ATP1B1: variants seen among roughly 807,000 people sequenced by gnomAD.
ATP1B1 encodes sodium/potassium-transporting ATPase subunit beta-1.
ATP1B1 carries 3 observed loss-of-function variants against 39.6 expected under a neutral mutation model. That is an observed-to-expected ratio of 0.08 (90% CI 0.03 to 0.20). The LOEUF is 0.20. Ranked by LOEUF, ATP1B1 falls within the 10% of genes least tolerant of loss-of-function variation. The pLI, the probability that ATP1B1 is intolerant of heterozygous loss-of-function variation, is 1.00. For missense variants in ATP1B1, 216 were observed against 371.1 expected (o/e 0.58, Z 3.43); for synonymous variants, 139 against 135.0 (o/e 1.03, Z -0.20).
chr1:169,117,691 A>C (rs1230004187), intron 2 of ATP1B1, among the ~76,000 whole-genome samples: 1 of 152,228 alleles, frequency 6.6e-6, no homozygotes, highest in Non-Finnish European at 1.5e-5. Flanking sequence ...CACTTCTACC[A>C]TAAAATCTGA....
chr1:169,109,268 C>CT (rs967263363), intron 1 of ATP1B1, among the ~76,000 whole-genome samples: 5 of 152,042 alleles, frequency 3.3e-5, no homozygotes, highest in Non-Finnish European at 5.9e-5. Context: ...CTCTGTATTA[C>CT]TTTTTTTTAA....
chr1:169,129,100 A>C (rs1486055887), intron 4 of ATP1B1, among the ~76,000 whole-genome samples: 2 of 152,240 alleles, frequency 1.3e-5, no homozygotes, highest in Non-Finnish European at 2.9e-5. Context: ...TGCTGGCAGA[A>C]ACGTCCCAAA....
intron 2 of ATP1B1, among the ~76,000 whole-genome samples, chr1:169,117,104 G>A (rs1269394510): frequency 1.3e-5 from 2 of 152,170 alleles, no homozygotes; most frequent in African/African-American, 2.4e-5. Context: ...AGTGCAAAGT[G>A]CCAGTAAGGT....
intron 1 of ATP1B1, among the ~76,000 whole-genome samples, chr1:169,109,829 G>T (rs1197669193): frequency 6.6e-6 from 1 of 152,036 alleles, no homozygotes; most frequent in East Asian, 1.9e-4. Context: ...CTGCCTTGCT[G>T]ACTGTTACAC....
chr1:169,130,486 C>G lies in ATP1B1; in HGVS notation c.648+396C>G, dbSNP rs150907944. ...ATAAAAATTAGTGGTTTGGGCTTCT[C>G]TTTTAAAAATATTGAAATATCGCCT... On this transcript the variant is annotated intron_variant, in intron 5 of 5. Coordinates refer to ENST00000367815, the MANE Select transcript of ATP1B1 (RefSeq NM_001677.4). Among the ~76,000 whole-genome samples, 553 of 152,156 alleles carry G rather than the reference C, an allele frequency of 3.6e-3. 1 individual carries two copies. Among genetic ancestry groups the G allele is most frequent in the Non-Finnish European group, 5.9e-3 (401 of 67,970 alleles).
intron 2 of ATP1B1, among the ~76,000 whole-genome samples, chr1:169,119,535 TG>T (rs1657927958): frequency 6.6e-6 from 1 of 152,064 alleles, no homozygotes; most frequent in South Asian, 2.1e-4. Flanking sequence ...CTTTAAGAAG[TG>T]GGCAGTAGAA....
Position 169,131,280 on chromosome 1 carries a change from T to C in ATP1B1, c.649-12T>C. 2 of 1,611,264 alleles carry C rather than the reference T, an allele frequency of 1.2e-6. No homozygotes were observed. Among genetic ancestry groups the C allele is most frequent in the Non-Finnish European group, 1.7e-6 (2 of 1,178,088 alleles). On this transcript the variant is annotated splice_polypyrimidine_tract_variant and intron_variant, in intron 5 of 5. Coordinates refer to ENST00000367815, the MANE Select transcript of ATP1B1 (RefSeq NM_001677.4). This position sits in a 1 kb window ranked among gnomAD's most constrained non-coding sequence, Gnocchi z 4.4. The stretch of plus-strand genomic sequence containing the variant: ...GTGAGCCATTAAAATTTCATTTCAT[T>C]CTGGATTTCAGCGAGATGAAGATAA...
Position 169,106,718 on chromosome 1 carries a change from G to C in ATP1B1, c.-112G>C. ...CCGAGAGCCGCAGCGGCAGCGGCGC[G>C]TCCTGCCTGCAGAGAGCCAGGCCGG... On this transcript the variant is annotated 5_prime_UTR_variant, in exon 1 of 6. Transcript: ENST00000367815. 1 of 772,968 alleles carries C rather than the reference G, an allele frequency of 1.3e-6. No individual in the cohort carries two copies. Among genetic ancestry groups the C allele is most frequent in the South Asian group, 2.3e-5 (1 of 42,686 alleles). 47.9% of individuals were successfully genotyped at this position (772,968 alleles called of 1,614,324 possible).
At chr1:169,119,812 G>GT (rs35706435) in intron 2 of ATP1B1, among the ~76,000 whole-genome samples, 54,793 of 151,888 alleles carry the variant, frequency 0.36, 10,601 homozygotes, top group African/African-American at 0.51. Context: ...GGCAAACATT[G>GT]TAAGTTGGGA....
intron 2 of ATP1B1, among the ~76,000 whole-genome samples, chr1:169,120,441 A>G (rs941363496): frequency 6.6e-6 from 1 of 152,194 alleles, no homozygotes; most frequent in African/African-American, 2.4e-5. Context: ...GTAAGACATG[A>G]CTGAGCTTTC....
chr1:169,120,787 G>A (rs928742928), intron 2 of ATP1B1, among the ~76,000 whole-genome samples: 11 of 152,084 alleles, frequency 7.2e-5, no homozygotes, highest in African/African-American at 2.4e-4. Flanking sequence ...TCCATTACTT[G>A]GTTTTCATTA....
At chr1:169,114,261 C>A (rs1436015355) in intron 2 of ATP1B1, among the ~76,000 whole-genome samples, 1 of 150,770 alleles carries the variant, frequency 6.6e-6, no homozygotes, top group Admixed American at 6.6e-5. Flanking sequence ...TTTAAGAATA[C>A]CCTGACAATT....
At chr1:169,114,117 G>T (rs1657786477) in intron 2 of ATP1B1, among the ~76,000 whole-genome samples, 1 of 117,090 alleles carries the variant, frequency 8.5e-6, no homozygotes, top group Non-Finnish European at 1.9e-5. Context: ...ACCCCTTATG[G>T]CCCTGTGTTG....
At chr1:169,130,631 A>G (rs1658190975) in intron 5 of ATP1B1, among the ~76,000 whole-genome samples, 1 of 152,020 alleles carries the variant, frequency 6.6e-6, no homozygotes, top group South Asian at 2.1e-4. Flanking sequence ...TACTACACAT[A>G]CAAAAATTAG....
chr1:169,131,644 T>A lies in ATP1B1; in HGVS notation c.*89T>A. ...CCTACTAGTCTTGAACAAACTGTCA[T>A]ACGTATGGGACCTACACTTAATCTA... is the stretch of plus-strand genomic sequence containing the variant. On this transcript the variant is annotated 3_prime_UTR_variant, in exon 6 of 6. Coordinates refer to ENST00000367815, the MANE Select transcript of ATP1B1 (RefSeq NM_001677.4). This position sits in a 1 kb window ranked among gnomAD's most constrained non-coding sequence, Gnocchi z 4.4. 7.0e-7 allele frequency: 1 copy of A among 1,420,234 alleles called. No individual in the cohort carries two copies. The highest frequency in any genetic ancestry group is 2.3e-5 in the East Asian group (1 of 43,298). The allele number at this position is 1,420,234 out of a possible 1,614,324, so 88.0% of individuals were successfully genotyped here. A position where few individuals can be genotyped will look rare whatever the true frequency, so the allele number is the denominator to read the frequency against.
intron 4 of ATP1B1, among the ~76,000 whole-genome samples, chr1:169,128,968 T>C (rs1263388806): frequency 6.6e-6 from 1 of 152,184 alleles, no homozygotes; most frequent in Non-Finnish European, 1.5e-5. Context: ...TCCAACTATT[T>C]TGGAGTTATT....
rs368950948 is a variant in ATP1B1 at position 169,127,370 on chromosome 1, A to T, written c.529A>T (p.Ile177Phe). The T allele has an allele frequency of 5.0e-6, 8 of 1,612,228 alleles. No homozygotes were observed. The highest frequency in any genetic ancestry group is 1.7e-5 in the Admixed American group (1 of 59,532). ...YGYKEGKPCI[I>F]IKLNRVLGFK... ...CTACAAAGAGGGCAAACCGTGCATT[A>T]TTATAAAGCTCAACCGAGTTCTAGG... Residue 177 changes from isoleucine (I) to phenylalanine (F), a missense_variant, in exon 4 of 6, where the codon ATT (isoleucine) becomes TTT (phenylalanine). By Grantham distance (21) the Ile-to-Phe change is conservative (BLOSUM62 0). Transcript: ENST00000367815.
At position 169,127,258 on chromosome 1, in the gene ATP1B1, T is replaced by G. The variant is rs999780011; in HGVS notation, c.417T>G (p.Phe139Leu). The change falls in exon 4 of 6, where the codon TTT becomes TTG. Residue 139 changes from phenylalanine (F) to leucine (L), a missense_variant. Coordinates refer to ENST00000367815, the MANE Select transcript of ATP1B1 (RefSeq NM_001677.4). The stretch of plus-strand genomic sequence containing the variant: ...GTGAACCGAAAGAACGAGGAGACTT[T>G]AATCATGAACGAGGAGAGCGAAAGG... ...VPSEPKERGD[F>L]NHERGERKVC... The G allele has an allele frequency of 6.3e-7, 1 of 1,595,402 alleles. No individual in the cohort carries two copies. Among genetic ancestry groups the G allele is most frequent in the Admixed American group, 1.8e-5 (1 of 54,654 alleles).
In ATP1B1 at chr1:169,132,502, G is replaced by C. The variant is rs1389534545; in HGVS notation, c.*947G>C. On this transcript the variant is annotated 3_prime_UTR_variant, in exon 6 of 6. Transcript: ENST00000367815. ...ATTTTATTTTTTTCTGCAAGAAAAA[G>C]TGTAATGTATGAAATAAACCAAAGT... 2.3e-6 allele frequency: 1 copy of C among 427,174 alleles called. No individual in the cohort carries two copies. The highest frequency in any genetic ancestry group is 4.1e-6 in the Non-Finnish European group (1 of 243,450). 26.5% of individuals were successfully genotyped at this position (427,174 alleles called of 1,614,324 possible).
Sources: gnomAD v4.1 joint callset for allele counts (sites outside exome capture counted in the v4.1 genomes callset) on GRCh38, gnomAD v4.1.1 for gene constraint, Gnocchi (gnomAD v3.1) non-coding constraint, MANE v1.5 for transcripts, NCBI Gene and HGNC (gene_info 2026-07-23, HGNC 2026-07-21) for gene names.